ANKRD26: variants seen among roughly 807,000 people sequenced by gnomAD.
The protein encoded by ANKRD26 is ankyrin repeat domain 26, also known as ankyrin repeat domain-containing protein 26.
ANKRD26 carries 141 observed loss-of-function variants against 208.7 expected under a neutral mutation model. That is an observed-to-expected ratio of 0.68 (90% CI 0.59 to 0.78). The LOEUF is 0.78. Ranked by LOEUF, ANKRD26 falls within the 30% of genes least tolerant of loss-of-function variation. The pLI is 0.00. For missense variants in ANKRD26, 1,889 were observed against 1,938.7 expected, an observed-to-expected ratio of 0.97 and a Z score of 0.48; for synonymous variants, 636 against 660.4, an observed-to-expected ratio of 0.96 and a Z score of 0.57.
rs2055286043 is a variant in ANKRD26 at position 27,067,218 on chromosome 10, T to C, written c.1146A>G (p.Leu382=). The C allele has an allele frequency of 1.9e-6, 3 of 1,613,286 alleles. No homozygotes were observed. Among genetic ancestry groups the C allele is most frequent in the Non-Finnish European group, 2.5e-6 (3 of 1,179,388 alleles). Residue 382 remains leucine (L), a synonymous_variant, in exon 10 of 34, where the codon CTA becomes CTG. Transcript: ENST00000376087. ...NGIDIIESAP[L]EQTNNDNLTY... is the part of the protein sequence containing the mutation. ...TCAAATTGTCATTATTTGTTTGCTC[T>C]AGTGGAGCACTTTCAATAATATCAA...
chr10:27,089,876 T>C (rs11015518), intron 4 of ANKRD26, among the ~76,000 whole-genome samples: 15,600 of 149,896 alleles, frequency 0.1, 2,622 homozygotes, highest in African/African-American at 0.36. Context: ...GCTGATGAAG[T>C]AGGCTAATTC....
chr10:26,986,569 A>C (rs1463973307), intron 3 of ANKRD26, among the ~76,000 whole-genome samples: 1 of 151,888 alleles, frequency 6.6e-6, no homozygotes, highest in Non-Finnish European at 1.5e-5. Context: ...CAATGAACTC[A>C]AACAAATTTA....
intron 9 of ANKRD26, 132 bp downstream of exon 9, chr10:27,077,206 C>T (rs1010558096): frequency 1.3e-6 from 1 of 790,108 alleles, no homozygotes; most frequent in Non-Finnish European, 2.1e-6. Flanking sequence ...ATATGCAAGT[C>T]TTAAATGTGA....
intron 9 of ANKRD26, among the ~76,000 whole-genome samples, chr10:27,073,572 T>C (rs959746392): frequency 6.6e-6 from 1 of 152,180 alleles, no homozygotes; most frequent in Non-Finnish European, 1.5e-5. Flanking sequence ...TGCATATCAC[T>C]GAGAGCTCCC....
intron 9 of ANKRD26, among the ~76,000 whole-genome samples, chr10:27,070,101 TAAAAAAAAAAAAA>T (rs34493349): frequency 2.7e-5 from 3 of 109,120 alleles, no homozygotes; most frequent in Non-Finnish European, 5.6e-5. Flanking sequence ...ACTCTGTATT[TAAAAAAAAAAAAA>T]AAAAAAAAGG....
chr10:26,983,834 T>G (rs2052344989), intron 3 of ANKRD26, among the ~76,000 whole-genome samples: 2 of 152,200 alleles, frequency 1.3e-5, no homozygotes, highest in Non-Finnish European at 2.9e-5. Flanking sequence ...TTGTCCTTTT[T>G]TATGCCAGCA....
the ANKRD26 span, among the ~76,000 whole-genome samples, chr10:26,949,292 T>C: frequency 6.6e-6 from 1 of 152,128 alleles, no homozygotes; most frequent in East Asian, 1.9e-4. Context: ...CCTCATTTTT[T>C]TGGAAAATAC....
chr10:27,080,333 C>T (rs2135598981), intron 6 of ANKRD26, among the ~76,000 whole-genome samples: 1 of 152,264 alleles, frequency 6.6e-6, no homozygotes, highest in South Asian at 2.1e-4. Flanking sequence ...CTCATTGCTT[C>T]CCTTCACCCT....
At chr10:27,030,697 T>C (rs2053836851) in intron 25 of ANKRD26, 3 of 577,408 alleles carry the variant, frequency 5.2e-6, no homozygotes, top group Non-Finnish European at 2.2e-6. Flanking sequence ...AAGTGGTTTC[T>C]ACTTATATTT....
intron 16 of ANKRD26, among the ~76,000 whole-genome samples, chr10:27,050,071 T>G (rs1342120109): frequency 1.3e-5 from 2 of 150,970 alleles, no homozygotes; most frequent in Non-Finnish European, 3.0e-5. Flanking sequence ...AATACAAAAA[T>G]TAGCCGGGTG....
chr10:26,975,954 T>A (rs1371253957), exon 6 of ANKRD26, among the ~76,000 whole-genome samples: 1 of 152,170 alleles, frequency 6.6e-6, no homozygotes, highest in African/African-American at 2.4e-5. Context: ...ATTGTTGCTT[T>A]ATCACTCTTA....
chr10:27,100,491 A>G lies in ANKRD26; in HGVS notation c.-165T>C, dbSNP rs1038083962. 2 of 1,084,924 alleles carry G rather than the reference A, an allele frequency of 1.8e-6. No individual in the cohort carries two copies. Among genetic ancestry groups the G allele is most frequent in the East Asian group, 2.6e-5 (1 of 38,972 alleles). The allele number at this position is 1,084,924 out of a possible 1,614,324, so 67.2% of individuals were successfully genotyped here. On this transcript the variant is annotated 5_prime_UTR_variant, in exon 1 of 34. Transcript: ENST00000376087. Reference sequence around the variant, plus strand: ...GTTACCAAGCAAGCGATCCCGCTAGACACAAGTGCGCATGCGCACCTCAGA... The same window carrying G: ...GTTACCAAGCAAGCGATCCCGCTAGGCACAAGTGCGCATGCGCACCTCAGA...
intron 16 of ANKRD26, chr10:27,051,144 T>A: frequency 7.8e-7 from 1 of 1,290,310 alleles, no homozygotes; most frequent in Non-Finnish European, 1.0e-6. Flanking sequence ...CCTTTGCATA[T>A]CTTGCTGTAA....
intron 5 of ANKRD26, among the ~76,000 whole-genome samples, chr10:26,978,675 A>T (rs1475335017): frequency 6.6e-6 from 1 of 152,124 alleles, no homozygotes; most frequent in Non-Finnish European, 1.5e-5. Context: ...CCTGGGATCC[A>T]CGCCCTGATG....
the ANKRD26 span, among the ~76,000 whole-genome samples, chr10:26,962,515 C>T: frequency 6.6e-6 from 1 of 152,244 alleles, no homozygotes; most frequent in African/African-American, 2.4e-5. Flanking sequence ...GCAGAGGTTG[C>T]AGTGAGCCGA....
intron 4 of ANKRD26, among the ~76,000 whole-genome samples, chr10:26,998,886 A>G (rs1351119015): frequency 6.6e-6 from 1 of 152,114 alleles, no homozygotes; most frequent in African/African-American, 2.4e-5. Context: ...TGGAGAATGG[A>G]GCACGCAGGA....
downstream of ANKRD26, among the ~76,000 whole-genome samples, chr10:26,970,142 TTTTG>T (rs1490591887): frequency 6.6e-6 from 1 of 152,128 alleles, no homozygotes; most frequent in Non-Finnish European, 1.5e-5. Flanking sequence ...TTAGCTGTTA[TTTTG>T]TTTAATACTA....
At chr10:27,013,166 C>CT in intron 31 of ANKRD26, 56 bp from the exon 32 acceptor site, 3 of 1,495,022 alleles carry the variant, frequency 2.0e-6, no homozygotes, top group Admixed American at 1.8e-5. Context: ...TAAATGATTC[C>CT]TAAAAGACTT....
chr10:27,006,360 G>A (rs1317028936), intron 33 of ANKRD26, among the ~76,000 whole-genome samples: 2 of 152,190 alleles, frequency 1.3e-5, no homozygotes, highest in African/African-American at 2.4e-5. Context: ...GTTGAATAAC[G>A]TCACAAGGAC....
Sources: allele counts gnomAD v4.1 joint callset (sites outside exome capture counted in the v4.1 genomes callset), GRCh38; gene constraint gnomAD v4.1.1; transcripts MANE v1.5; gene names NCBI Gene and HGNC (gene_info 2026-07-23, HGNC 2026-07-21).